The following SOX6 variants were observed in gnomAD, a reference collection of about 807,000 sequenced individuals.
The protein encoded by SOX6 is SRY-box transcription factor 6, also known as transcription factor SOX-6.
A neutral mutation model predicts 97.8 loss-of-function variants in SOX6; 11 were observed. The observed-to-expected ratio is 0.11, with a 90% CI of 0.07 to 0.19. The LOEUF (loss-of-function observed/expected upper bound fraction) is 0.19, where lower values mean the gene tolerates loss of function less well. Ranked by LOEUF, SOX6 falls within the 10% of genes least tolerant of loss-of-function variation. The pLI is 1.00. For missense variants in SOX6, 810 were observed against 1,039.5 expected (o/e 0.78, Z 3.04); for synonymous variants, 360 against 371.4 (o/e 0.97, Z 0.35).
intron 3 of SOX6, among the ~76,000 whole-genome samples, chr11:16,652,127 G>T (rs991860143): frequency 2.0e-5 from 3 of 152,070 alleles, no homozygotes; most frequent in Non-Finnish European, 4.4e-5. Flanking sequence ...ATAAACAATG[G>T]AAACACATTC....
chr11:16,008,785 A>G (rs557495986), intron 13 of SOX6, among the ~76,000 whole-genome samples: 1 of 152,190 alleles, frequency 6.6e-6, no homozygotes, highest in African/African-American at 2.4e-5. Context: ...GGTGCACAGG[A>G]TCCTCTAAAA....
intron 9 of SOX6, among the ~76,000 whole-genome samples, chr11:16,085,421 G>C (rs1290164600): frequency 6.6e-6 from 1 of 152,152 alleles, no homozygotes; most frequent in South Asian, 2.1e-4. Context: ...CTGAGAAGGA[G>C]TTTGATAAAA....
At chr11:16,009,609 T>C (rs1242115202) in intron 13 of SOX6, among the ~76,000 whole-genome samples, 1 of 152,050 alleles carries the variant, frequency 6.6e-6, no homozygotes, top group African/African-American at 2.4e-5. Flanking sequence ...CAGTATTCTG[T>C]CTTCAGACTC....
chr11:16,683,269 A>T (rs907991188), intron 3 of SOX6, among the ~76,000 whole-genome samples: 1 of 152,232 alleles, frequency 6.6e-6, no homozygotes, highest in Admixed American at 6.5e-5. Context: ...AGGAGCCCAC[A>T]TAGCCAAGAA....
intron 3 of SOX6, among the ~76,000 whole-genome samples, chr11:16,624,366 T>G (rs1424523832): frequency 6.6e-6 from 1 of 151,990 alleles, no homozygotes; most frequent in African/African-American, 2.4e-5. Flanking sequence ...TTTTGTGTTT[T>G]TAGTAGAGAT....
At chr11:16,490,573 G>C (rs1026081828) in intron 4 of SOX6, among the ~76,000 whole-genome samples, 22 of 151,766 alleles carry the variant, frequency 1.4e-4, no homozygotes, top group African/African-American at 4.8e-4. Context: ...GACAAAAAAG[G>C]GTTAAAGGCA....
chr11:16,325,284 A>G (rs1343534458), intron 2 of SOX6, among the ~76,000 whole-genome samples: 1 of 152,142 alleles, frequency 6.6e-6, no homozygotes, highest in Non-Finnish European at 1.5e-5. Context: ...AGAATATAAC[A>G]CCAATTATTT....
chr11:16,485,951 G>A (rs1590220273), intron 4 of SOX6, among the ~76,000 whole-genome samples: 2 of 4,170 alleles, frequency 4.8e-4, no homozygotes, highest in Non-Finnish European at 1.1e-3. Flanking sequence ...AGGAGGGGAG[G>A]GGAGGGGAGG....
At chr11:15,983,210 T>C (rs1469829100) in intron 15 of SOX6, among the ~76,000 whole-genome samples, 1 of 152,084 alleles carries the variant, frequency 6.6e-6, no homozygotes, top group Non-Finnish European at 1.5e-5. Flanking sequence ...CACACACACA[T>C]TTATTATCTT....
At chr11:16,663,607 T>C (rs117947332) in intron 3 of SOX6, among the ~76,000 whole-genome samples, 6,491 of 152,324 alleles carry the variant, frequency 0.043, 209 homozygotes, top group South Asian at 0.15. Context: ...TGAGCCACCA[T>C]GCCCAGCCTA....
chr11:16,595,436 G>C (rs928449855), intron 4 of SOX6, among the ~76,000 whole-genome samples: 5 of 152,082 alleles, frequency 3.3e-5, no homozygotes, highest in African/African-American at 1.2e-4. Flanking sequence ...AAGAAGGCCT[G>C]CTGGCTCAGA....
intron 2 of SOX6, among the ~76,000 whole-genome samples, chr11:16,718,369 CTTT>C (rs1327596365): frequency 2.0e-5 from 3 of 152,038 alleles, no homozygotes; most frequent in African/African-American, 2.4e-5. Context: ...TGAATTTCTT[CTTT>C]ATTTGGTGAT....
chr11:16,063,496 T>TTA lies in SOX6; in HGVS notation c.1102-7597_1102-7596dup, dbSNP rs66968164. On this transcript the variant is annotated intron_variant, in intron 9 of 15. Transcript: ENST00000683767. ...CGATGTAACTATATTTACCATAATT[T>TTA]TATATATATATATATATATATATAT... is the stretch of plus-strand genomic sequence containing the variant. Among the ~76,000 whole-genome samples the TTA allele has an allele frequency of 7.9e-4, 28 of 35,658 alleles. 2 individuals carry two copies. Among genetic ancestry groups the TTA allele is most frequent in the Admixed American group, 1.1e-3 (3 of 2,746 alleles). The allele number at this position is 35,658 out of a possible 152,430, so 23.4% of individuals were successfully genotyped here. A position where few individuals can be genotyped will look rare whatever the true frequency, so the allele number is the denominator to read the frequency against.
intron 1 of SOX6, among the ~76,000 whole-genome samples, chr11:16,421,717 G>A (rs1357144600): frequency 6.6e-6 from 1 of 152,180 alleles, no homozygotes; most frequent in Non-Finnish European, 1.5e-5. Context: ...CAGAGATTGA[G>A]TTTAAAGAAA....
At chr11:16,428,793 T>C (rs1333729111) in intron 1 of SOX6, among the ~76,000 whole-genome samples, 2 of 152,224 alleles carry the variant, frequency 1.3e-5, no homozygotes, top group African/African-American at 4.8e-5. Flanking sequence ...GGCTTAGGAT[T>C]GACTTGGAAA....
intron 7 of SOX6, among the ~76,000 whole-genome samples, chr11:16,109,826 C>G (rs1395220358): frequency 6.6e-6 from 1 of 151,928 alleles, no homozygotes; most frequent in Non-Finnish European, 1.5e-5. Context: ...CTTTTTTTTA[C>G]CAACCTTGCT....
intron 1 of SOX6, among the ~76,000 whole-genome samples, chr11:16,391,522 T>C (rs989181692): frequency 5.3e-5 from 8 of 152,144 alleles, no homozygotes; most frequent in Admixed American, 4.6e-4. Context: ...TAGGTACAAA[T>C]TGATGTTTAG....
At chr11:16,302,636 C>A (rs1407406658) in intron 3 of SOX6, among the ~76,000 whole-genome samples, 1 of 126,518 alleles carries the variant, frequency 7.9e-6, no homozygotes, top group East Asian at 2.6e-4. Flanking sequence ...AGTGCACGAT[C>A]TCAGGTCACT....
intron 15 of SOX6, among the ~76,000 whole-genome samples, chr11:15,975,713 T>C (rs1380735350): frequency 1.3e-5 from 2 of 152,136 alleles, no homozygotes; most frequent in African/African-American, 2.4e-5. Context: ...TTTCAGAAAA[T>C]TCAAGCTGTT....
Sources: allele counts gnomAD v4.1 joint callset (sites outside exome capture counted in the v4.1 genomes callset), GRCh38; gene constraint gnomAD v4.1.1; transcripts MANE v1.5; gene names NCBI Gene and HGNC (gene_info 2026-07-23, HGNC 2026-07-21).